Variants in DNM2 observed in about 807,000 individuals in gnomAD.
DNM2 encodes dynamin 2.
Under a neutral mutation model 99.0 loss-of-function variants are expected in DNM2, and 15 were observed. The ratio of observed to expected loss-of-function variants is 0.15; its 90% CI spans 0.10 to 0.23. The LOEUF is 0.23. Among genes scored for constraint, DNM2 ranks in the 10% least tolerant of loss-of-function variants. The pLI is 1.00. For synonymous variants in DNM2, 525 were observed against 481.2 expected (o/e 1.09, Z -1.19); for missense variants, 742 against 1,189.4 (o/e 0.62, Z 5.53).
intron 1 of DNM2, among the ~76,000 whole-genome samples, chr19:10,718,839 C>A (rs1294239921): frequency 6.6e-6 from 1 of 152,080 alleles, no homozygotes; most frequent in Non-Finnish European, 1.5e-5. Flanking sequence ...CTGGAGCTGC[C>A]CCCGCCGTCT....
chr19:10,786,733 C>A (rs541735373), intron 7 of DNM2, 27 bp downstream of exon 7: 3 of 1,613,624 alleles, frequency 1.9e-6, no homozygotes, highest in South Asian at 2.2e-5. Context: ...CCACCACCAC[C>A]ACCACCCTGG....
Position 10,808,010 on chromosome 19 carries a change from G to T in DNM2, c.1546-559G>T, listed in dbSNP as rs1454631696. Among the ~76,000 whole-genome samples the T allele has an allele frequency of 6.3e-5, 9 of 143,546 alleles. 1 individual carries two copies. The highest frequency in any genetic ancestry group is 1.3e-4 in the Non-Finnish European group (9 of 67,316). 94.2% of individuals were successfully genotyped at this position (143,546 alleles called of 152,430 possible). On this transcript the variant is annotated intron_variant, in intron 13 of 20. Transcript: ENST00000389253. ...TACAAAAAATTAGCCTGGCATGATG[G>T]TGGGTGCCTATAATTCCACCTACTC...
chr19:10,815,731 T>C (rs2072713899), intron 15 of DNM2, among the ~76,000 whole-genome samples: 1 of 152,162 alleles, frequency 6.6e-6, no homozygotes, highest in Non-Finnish European at 1.5e-5. Context: ...AGGCTGGGGT[T>C]GCCTGAGGCC....
At position 10,812,377 on chromosome 19, in the gene DNM2, G is replaced by T; in HGVS notation, c.1671G>T (p.Glu557Asp). The T allele has an allele frequency of 6.2e-7, 1 of 1,604,992 alleles. No individual in the cohort carries two copies. The highest frequency in any genetic ancestry group is 2.2e-5 in the East Asian group (1 of 44,486). ...AESLSWYKDE[E>D]EKEKKYMLPL... ...CACTGTCCTGGTACAAGGATGAGGA[G>T]GTGAGTGGCAGGCGGGAGCAGGGCT... The change falls in exon 15 of 21, where the codon GAG (glutamate) becomes GAT (aspartate). Residue 557 changes from glutamate (E) to aspartate (D), a missense_variant and splice_region_variant. Physicochemically the swap from Glu to Asp is conservative, Grantham distance 45. This residue lies in a region of DNM2 where 240 missense variants were observed against 431.3 expected (regional missense o/e 0.56). Coordinates refer to ENST00000389253, the MANE Select transcript of DNM2 (RefSeq NM_001005361.3). The surrounding 1 kb of genome is among the most constrained non-coding windows in gnomAD (Gnocchi z 4.0).
intron 1 of DNM2, among the ~76,000 whole-genome samples, chr19:10,750,991 C>T (rs560926848): frequency 5.9e-5 from 9 of 151,742 alleles, no homozygotes; most frequent in African/African-American, 2.2e-4. Context: ...TTGGAGGATC[C>T]CACCTTGGGG....
intron 7 of DNM2, among the ~76,000 whole-genome samples, chr19:10,791,541 C>T (rs1329848269): frequency 2.0e-5 from 3 of 150,762 alleles, no homozygotes; most frequent in Non-Finnish European, 4.4e-5. Context: ...TTCCGCGGGA[C>T]ACCGACCAGC....
At chr19:10,743,843 CGTGT>C (rs2069857018) in intron 1 of DNM2, among the ~76,000 whole-genome samples, 9 of 139,472 alleles carry the variant, frequency 6.5e-5, no homozygotes, top group African/African-American at 2.5e-4. Flanking sequence ...AAAAATTAGC[CGTGT>C]GTGGTGGCGT....
chr19:10,741,798 GC>G (rs1387567854), intron 1 of DNM2, among the ~76,000 whole-genome samples: 1 of 150,790 alleles, frequency 6.6e-6, no homozygotes, highest in Non-Finnish European at 1.5e-5. Flanking sequence ...TGATCCACCC[GC>G]CTCTGCCTCC....
rs771706714 is a variant in DNM2 at position 10,819,959 on chromosome 19, CTCTT to C, written c.1672-19_1672-16del. 6.2e-5 allele frequency: 100 copies of C among 1,612,432 alleles called. No homozygotes were observed. Among genetic ancestry groups the C allele is most frequent in the Non-Finnish European group, 8.3e-5 (98 of 1,178,596 alleles). On this transcript the variant is annotated splice_polypyrimidine_tract_variant and intron_variant, in intron 15 of 20. Coordinates refer to ENST00000389253, the MANE Select transcript of DNM2 (RefSeq NM_001005361.3). ...TTGTCACGTGGACCGCTCAGGGTGA[CTCTT>C]TTCCCTCCACCCTCAGGAGAAAGAG... is the stretch of plus-strand genomic sequence containing the variant.
intron 5 of DNM2, 139 bp from the exon 6 acceptor site, chr19:10,782,821 T>C: frequency 8.3e-7 from 1 of 1,207,190 alleles, no homozygotes; most frequent in Non-Finnish European, 1.2e-6. Flanking sequence ...CTCTGTGTTG[T>C]TTCTGAGTAA....
At chr19:10,726,799 G>T (rs550400655) in intron 1 of DNM2, among the ~76,000 whole-genome samples, 1 of 152,152 alleles carries the variant, frequency 6.6e-6, no homozygotes, top group African/African-American at 2.4e-5. Context: ...GGGGACGGAG[G>T]TTGCGGTAAG....
intron 7 of DNM2, among the ~76,000 whole-genome samples, chr19:10,787,027 C>T (rs2071583301): frequency 6.6e-6 from 1 of 152,208 alleles, no homozygotes; most frequent in Admixed American, 6.5e-5. Flanking sequence ...CGGGAACAGC[C>T]TCCTTTAGAA....
chr19:10,787,895 C>T (rs1298050258), intron 7 of DNM2, among the ~76,000 whole-genome samples: 1 of 148,330 alleles, frequency 6.7e-6, no homozygotes, highest in Admixed American at 6.7e-5. Flanking sequence ...TGCCATTGCA[C>T]TCCAGCCTGG....
intron 12 of DNM2, chr19:10,803,519 T>C: frequency 4.2e-6 from 3 of 720,954 alleles, no homozygotes; most frequent in Non-Finnish European, 5.1e-6. Context: ...TTGCTGCTGT[T>C]TTCCTCACCT....
At position 10,723,428 on chromosome 19, in the gene DNM2, C is replaced by G. The variant is rs142950509; in HGVS notation, c.161+5025C>G. Among the ~76,000 whole-genome samples, 3 of 152,230 alleles carry G rather than the reference C, an allele frequency of 2.0e-5. No homozygotes were observed. The South Asian group carries it at 6.2e-4, about 32-fold the overall frequency. ...GATTACAGGCGTGAGCCACCGTGCC[C>G]GGCTAATTTTTCTATTTTTAATAGA... On this transcript the variant is annotated intron_variant, in intron 1 of 20. Coordinates refer to ENST00000389253, the MANE Select transcript of DNM2 (RefSeq NM_001005361.3).
intron 2 of DNM2, among the ~76,000 whole-genome samples, chr19:10,770,646 C>CATGTGGA: frequency 6.6e-6 from 1 of 152,164 alleles, no homozygotes; most frequent in Non-Finnish European, 1.5e-5. Flanking sequence ...GGGGAAGCCC[C>CATGTGGA]ACAATCATGG....
In DNM2 at chr19:10,818,465, C is replaced by T. The variant is rs2072849694; in HGVS notation, c.1672-1515C>T. ...GAAACTGAGATGAAATGGGAGGTGG[C>T]GGGGAAGTGGCTTGCCCGAGGGCAC... On this transcript the variant is annotated intron_variant, in intron 15 of 20. Coordinates refer to ENST00000389253, the MANE Select transcript of DNM2 (RefSeq NM_001005361.3). The surrounding 1 kb of genome is among the most constrained non-coding windows in gnomAD (Gnocchi z 4.3). Among the ~76,000 whole-genome samples the T allele has an allele frequency of 6.6e-6, 1 of 152,192 alleles. No homozygotes were observed. The highest frequency in any genetic ancestry group is 2.4e-5 in the African/African-American group (1 of 41,460).
intron 1 of DNM2, among the ~76,000 whole-genome samples, chr19:10,757,370 C>T (rs1159446611): frequency 6.6e-6 from 1 of 152,194 alleles, no homozygotes; most frequent in Non-Finnish European, 1.5e-5. Context: ...GCACATCTCC[C>T]CCCCGACGCC....
intron 6 of DNM2, among the ~76,000 whole-genome samples, chr19:10,783,403 G>C (rs1448862040): frequency 1.3e-5 from 2 of 152,134 alleles, no homozygotes; most frequent in South Asian, 2.1e-4. Flanking sequence ...GAAAATCAAG[G>C]CTTCAGTGAG....
Sources: gnomAD v4.1 joint callset for allele counts (sites outside exome capture counted in the v4.1 genomes callset) on GRCh38, gnomAD v4.1.1 for gene constraint, gnomAD v4.1.1 regional missense constraint, Gnocchi (gnomAD v3.1) non-coding constraint, MANE v1.5 for transcripts, NCBI Gene and HGNC (gene_info 2026-07-23, HGNC 2026-07-21) for gene names.